Variants in GABRB1 observed in about 807,000 individuals in gnomAD.
GABRB1 encodes gamma-aminobutyric acid receptor subunit beta-1.
A neutral mutation model predicts 51.6 loss-of-function variants in GABRB1; 17 were observed. The ratio of observed to expected loss-of-function variants is 0.33; its 90% CI spans 0.23 to 0.49. The LOEUF is 0.49. Ranked by LOEUF, GABRB1 falls within the 20% of genes least tolerant of loss-of-function variation. The pLI is 0.99. For missense variants in GABRB1, 410 were observed against 600.6 expected, an observed-to-expected ratio of 0.68 and a Z score of 3.32; for synonymous variants, 247 against 218.9, an observed-to-expected ratio of 1.13 and a Z score of -1.14.
chr4:47,347,231 G>A (rs1273444241), intron 5 of GABRB1, among the ~76,000 whole-genome samples: 2 of 151,918 alleles, frequency 1.3e-5, no homozygotes, highest in African/African-American at 2.4e-5. Flanking sequence ...GCAATGAGTC[G>A]AGATCACGCC....
intron 3 of GABRB1, among the ~76,000 whole-genome samples, chr4:47,150,203 A>ACACG: frequency 6.7e-6 from 1 of 149,810 alleles, no homozygotes; most frequent in South Asian, 2.1e-4. Flanking sequence ...ACACACACAC[A>ACACG]CACACACACA....
intron 3 of GABRB1, among the ~76,000 whole-genome samples, chr4:47,101,976 G>C (rs1714743006): frequency 6.6e-6 from 1 of 151,954 alleles, no homozygotes; most frequent in African/African-American, 2.4e-5. Context: ...AAGGAAGAGG[G>C]AGACCACTGT....
chr4:47,063,563 C>T (rs531157365), intron 3 of GABRB1, among the ~76,000 whole-genome samples: 1 of 152,182 alleles, frequency 6.6e-6, no homozygotes, highest in African/African-American at 2.4e-5. Flanking sequence ...AGGACACTGA[C>T]CACTCCAACT....
chr4:47,153,774 C>A (rs1261046453), intron 3 of GABRB1, among the ~76,000 whole-genome samples: 2 of 151,976 alleles, frequency 1.3e-5, no homozygotes, highest in Non-Finnish European at 2.9e-5. Flanking sequence ...TTTTTCAGAA[C>A]ACAAGACTAA....
At chr4:47,188,585 T>C (rs1236321055) in intron 4 of GABRB1, among the ~76,000 whole-genome samples, 1 of 151,994 alleles carries the variant, frequency 6.6e-6, no homozygotes, top group Non-Finnish European at 1.5e-5. Flanking sequence ...AGAAATCCGA[T>C]GTACTTTAGA....
At chr4:47,293,896 A>G (rs1487719592) in intron 4 of GABRB1, among the ~76,000 whole-genome samples, 2 of 152,226 alleles carry the variant, frequency 1.3e-5, no homozygotes, top group Admixed American at 1.3e-4. Context: ...TAAGCATTTC[A>G]GCTGACTAGC....
At chr4:47,014,892 GTATTTATT>G (rs71193895) in intron 1 of GABRB1, among the ~76,000 whole-genome samples, 82,734 of 150,890 alleles carry the variant, frequency 0.55, 23,168 homozygotes, top group East Asian at 0.66. Flanking sequence ...TTTAGTAGCT[GTATTTATT>G]TATTTATTTA....
At chr4:47,376,479 T>TA (rs1727381211) in intron 5 of GABRB1, among the ~76,000 whole-genome samples, 1 of 151,430 alleles carries the variant, frequency 6.6e-6, no homozygotes, top group Non-Finnish European at 1.5e-5. Context: ...ACCCCGTCTC[T>TA]ACTAAAAATA....
intron 3 of GABRB1, among the ~76,000 whole-genome samples, chr4:47,116,919 G>T (rs990044636): frequency 2.0e-5 from 3 of 152,128 alleles, no homozygotes; most frequent in African/African-American, 7.2e-5. Flanking sequence ...GAGAGAGAAA[G>T]AAGGGGGAAG....
chr4:47,395,310 T>A (rs539309924), intron 5 of GABRB1, among the ~76,000 whole-genome samples: 8 of 152,120 alleles, frequency 5.3e-5, no homozygotes, highest in Non-Finnish European at 1.2e-4. Flanking sequence ...GTAGCAAGCA[T>A]GTCTTACCAT....
intron 4 of GABRB1, among the ~76,000 whole-genome samples, chr4:47,242,439 C>A (rs1438925631): frequency 6.6e-6 from 1 of 152,144 alleles, no homozygotes; most frequent in African/African-American, 2.4e-5. Context: ...ATTTCTAGTT[C>A]CAGATCCTTG....
At chr4:47,166,676 G>T (rs117735121) in intron 4 of GABRB1, among the ~76,000 whole-genome samples, 19 of 152,112 alleles carry the variant, frequency 1.2e-4, no homozygotes, top group East Asian at 5.8e-4. Context: ...TGCATGAGGG[G>T]TGTAAGAGCC....
intron 4 of GABRB1, among the ~76,000 whole-genome samples, chr4:47,167,110 T>C (rs1718224585): frequency 6.6e-6 from 1 of 152,168 alleles, no homozygotes; most frequent in Admixed American, 6.6e-5. Context: ...GCCCAATAAA[T>C]GTTTGTAGAA....
intron 5 of GABRB1, among the ~76,000 whole-genome samples, chr4:47,323,683 A>C (rs1342796053): frequency 6.6e-6 from 1 of 152,202 alleles, no homozygotes; most frequent in Non-Finnish European, 1.5e-5. Flanking sequence ...CTTTGCCTGC[A>C]TCACAAAATC....
chr4:47,402,583 G>C (rs997321), intron 5 of GABRB1, among the ~76,000 whole-genome samples: 1,670 of 152,288 alleles, frequency 0.011, 9 homozygotes, highest in Non-Finnish European at 0.018. Context: ...AAGAGGAAGA[G>C]ATTAGGCCAT....
At chr4:47,372,997 C>A (rs1248096624) in intron 5 of GABRB1, among the ~76,000 whole-genome samples, 4 of 152,158 alleles carry the variant, frequency 2.6e-5, no homozygotes, top group Non-Finnish European at 5.9e-5. Context: ...AGGTAGCCAG[C>A]CCTCTTAGAG....
At chr4:47,054,656 A>T (rs1726510967) in intron 3 of GABRB1, among the ~76,000 whole-genome samples, 1 of 151,628 alleles carries the variant, frequency 6.6e-6, no homozygotes, top group South Asian at 2.1e-4. Flanking sequence ...GTCTCGGCTC[A>T]CTGCAATCTC....
intron 5 of GABRB1, among the ~76,000 whole-genome samples, chr4:47,379,031 A>G (rs1011862205): frequency 6.6e-6 from 1 of 152,184 alleles, no homozygotes; most frequent in Non-Finnish European, 1.5e-5. Context: ...TATATTCAAG[A>G]TAACAGATTA....
intron 5 of GABRB1, among the ~76,000 whole-genome samples, chr4:47,325,680 G>T (rs925066036): frequency 6.6e-6 from 1 of 152,090 alleles, no homozygotes; most frequent in African/African-American, 2.4e-5. Context: ...TGGCTGAAAT[G>T]CTTTTCCCCA....
Sources: gnomAD v4.1 joint callset for allele counts (sites outside exome capture counted in the v4.1 genomes callset) on GRCh38, gnomAD v4.1.1 for gene constraint, MANE v1.5 for transcripts, NCBI Gene and HGNC (gene_info 2026-07-23, HGNC 2026-07-21) for gene names.